Variants in R3HDM1 observed in about 807,000 individuals in gnomAD.
R3HDM1 encodes R3H domain-containing protein 1.
A neutral mutation model predicts 141.1 loss-of-function variants in R3HDM1; 46 were observed. That is an observed-to-expected ratio of 0.33 (90% CI 0.26 to 0.42). The LOEUF (loss-of-function observed/expected upper bound fraction) is 0.42, where lower values mean the gene tolerates loss of function less well. Ranked by LOEUF, R3HDM1 falls within the 10% of genes least tolerant of loss-of-function variation. The pLI is 1.00. For synonymous variants in R3HDM1, 435 were observed against 472.9 expected (o/e 0.92, Z 1.04); for missense variants, 1,184 against 1,368.3 (o/e 0.87, Z 2.12).
At chr2:135,704,501 G>A (rs2074639320) in intron 21 of R3HDM1, among the ~76,000 whole-genome samples, 1 of 144,890 alleles carries the variant, frequency 6.9e-6, no homozygotes, top group East Asian at 2.1e-4. Context: ...TTGAGACAGA[G>A]TCTCTTTCGC....
At chr2:135,631,830 C>T (rs368374789) in intron 8 of R3HDM1, 31 bp from the exon 9 acceptor site, 339 of 1,595,448 alleles carry the variant, frequency 2.1e-4, no homozygotes, top group Non-Finnish European at 2.7e-4. Flanking sequence ...TTCTCCTTGA[C>T]TTACTAAGTT....
chr2:135,682,969 CCT>C (rs1252736767), intron 21 of R3HDM1, among the ~76,000 whole-genome samples: 1 of 151,992 alleles, frequency 6.6e-6, no homozygotes, highest in African/African-American at 2.4e-5. Context: ...AGCACTTCAG[CCT>C]GGGCAACAGA....
intron 1 of R3HDM1, among the ~76,000 whole-genome samples, chr2:135,542,425 C>T (rs1167802286): frequency 1.3e-5 from 2 of 152,140 alleles, no homozygotes; most frequent in African/African-American, 2.4e-5. Context: ...TTTGTTTTCA[C>T]TTTGTATACC....
At position 135,616,658 on chromosome 2, in the gene R3HDM1, T is replaced by C; in HGVS notation, c.214-10T>C. ...GAAATGTAGTGTTAATTATAAATAC[T>C]TCTCTTTAGTCAAGCTCAAAGTTAA... On this transcript the variant is annotated splice_polypyrimidine_tract_variant and intron_variant, in intron 4 of 26. Transcript: ENST00000683871. 1 of 1,583,054 alleles carries C rather than the reference T, an allele frequency of 6.3e-7. No individual in the cohort carries two copies. Among genetic ancestry groups the C allele is most frequent in the Non-Finnish European group, 8.6e-7 (1 of 1,156,306 alleles).
At chr2:135,584,135 C>T in intron 1 of R3HDM1, 1 of 800,472 alleles carries the variant, frequency 1.2e-6, no homozygotes, top group Non-Finnish European at 1.5e-6. Flanking sequence ...CAAGACCAGC[C>T]TGGCCAACAT....
intron 21 of R3HDM1, among the ~76,000 whole-genome samples, chr2:135,687,248 C>T (rs2071509962): frequency 6.6e-6 from 1 of 152,128 alleles, no homozygotes; most frequent in Non-Finnish European, 1.5e-5. Context: ...GTAGAATGGT[C>T]ATTGCCAGGG....
At chr2:135,722,054 C>G in intron 25 of R3HDM1, 48 bp downstream of exon 25, 1 of 1,556,962 alleles carries the variant, frequency 6.4e-7, no homozygotes, top group Admixed American at 1.7e-5. Flanking sequence ...AACATCATAG[C>G]TCCCTCAGAG....
chr2:135,638,262 A>G (rs1433819180), intron 11 of R3HDM1, among the ~76,000 whole-genome samples: 1 of 152,228 alleles, frequency 6.6e-6, no homozygotes, highest in Non-Finnish European at 1.5e-5. Context: ...CTAGCCACAG[A>G]TAAAGCACAG....
intron 1 of R3HDM1, among the ~76,000 whole-genome samples, chr2:135,539,830 G>A (rs1220454989): frequency 6.6e-6 from 1 of 152,230 alleles, no homozygotes; most frequent in African/African-American, 2.4e-5. Flanking sequence ...TTGCTTCAGT[G>A]TTGGTGGCTG....
intron 19 of R3HDM1, among the ~76,000 whole-genome samples, chr2:135,662,308 G>A (rs1028560250): frequency 2.6e-5 from 4 of 152,170 alleles, no homozygotes; most frequent in Non-Finnish European, 4.4e-5. Context: ...TGTGAAACTC[G>A]TCAGGGTTAC....
chr2:135,685,872 A>G (rs2071238225), intron 21 of R3HDM1, among the ~76,000 whole-genome samples: 1 of 152,242 alleles, frequency 6.6e-6, no homozygotes, highest in South Asian at 2.1e-4. Flanking sequence ...TTTGTAAGAC[A>G]GAAATACCTT....
chr2:135,655,781 A>G (rs2065798223), intron 18 of R3HDM1, among the ~76,000 whole-genome samples: 1 of 152,054 alleles, frequency 6.6e-6, no homozygotes, highest in African/African-American at 2.4e-5. Flanking sequence ...GATGTGAGCC[A>G]CCGCACCTGG....
intron 2 of R3HDM1, among the ~76,000 whole-genome samples, 172 bp downstream of exon 2, chr2:135,602,880 G>T (rs938432130): frequency 3.3e-5 from 5 of 151,630 alleles, no homozygotes; most frequent in East Asian, 3.8e-4. Context: ...GGAAGACATG[G>T]TTTTCTTTTT....
chr2:135,659,269 G>C (rs1448344288), intron 18 of R3HDM1, among the ~76,000 whole-genome samples: 2 of 151,782 alleles, frequency 1.3e-5, no homozygotes, highest in Non-Finnish European at 2.9e-5. Context: ...GCTAATTTTT[G>C]TATTTTTTGT....
At position 135,638,729 on chromosome 2, in the gene R3HDM1, A is replaced by G. The variant is rs991917621; in HGVS notation, c.942-10A>G. ...ATAAAAATTAAAATGTCCTATTAAA[A>G]TGCCAACAGACTCCAAGACGAGGAT... On this transcript the variant is annotated splice_polypyrimidine_tract_variant and intron_variant, in intron 12 of 26. Coordinates refer to ENST00000683871, the MANE Select transcript of R3HDM1 (RefSeq NM_001378107.1). The G allele has an allele frequency of 6.2e-7, 1 of 1,614,022 alleles. No homozygotes were observed. Among genetic ancestry groups the G allele is most frequent in the Non-Finnish European group, 8.5e-7 (1 of 1,179,964 alleles).
intron 20 of R3HDM1, among the ~76,000 whole-genome samples, chr2:135,677,787 T>C (rs187913539): frequency 6.6e-6 from 1 of 152,312 alleles, no homozygotes; most frequent in Non-Finnish European, 1.5e-5. Context: ...AGCTAGGTAG[T>C]GATAAACTGT....
intron 7 of R3HDM1, among the ~76,000 whole-genome samples, chr2:135,625,279 G>A (rs1213455993): frequency 6.6e-6 from 1 of 151,994 alleles, no homozygotes; most frequent in Non-Finnish European, 1.5e-5. Flanking sequence ...GTGAAACCCC[G>A]TCTCTACTAA....
intron 1 of R3HDM1, among the ~76,000 whole-genome samples, chr2:135,538,740 A>G (rs926249696): frequency 2.0e-5 from 3 of 152,046 alleles, no homozygotes; most frequent in Admixed American, 6.6e-5. Flanking sequence ...CAGCCTCCCA[A>G]GTAGCTGGGT....
At chr2:135,574,846 C>T (rs1248333666) in intron 1 of R3HDM1, among the ~76,000 whole-genome samples, 1 of 152,054 alleles carries the variant, frequency 6.6e-6, no homozygotes. Flanking sequence ...TATCTTAGTC[C>T]TAAAGCCAGG....
Sources: allele counts gnomAD v4.1 joint callset (sites outside exome capture counted in the v4.1 genomes callset), GRCh38; gene constraint gnomAD v4.1.1; transcripts MANE v1.5; gene names NCBI Gene and HGNC (gene_info 2026-07-23, HGNC 2026-07-21).